Variants in PSMD1 observed in about 807,000 individuals in gnomAD.
The protein encoded by PSMD1 is proteasome 26S subunit, non-ATPase 1, also known as 26S proteasome non-ATPase regulatory subunit 1.
A neutral mutation model predicts 119.0 loss-of-function variants in PSMD1; 18 were observed. That is an observed-to-expected ratio of 0.15 (90% CI 0.10 to 0.22). The LOEUF is 0.22. Ranked by LOEUF, PSMD1 falls within the 10% of genes least tolerant of loss-of-function variation. The pLI, the probability that PSMD1 is intolerant of heterozygous loss-of-function variation, is 1.00. For missense variants in PSMD1, 702 were observed against 1,158.5 expected (o/e 0.61, Z 5.72); for synonymous variants, 374 against 396.6 (o/e 0.94, Z 0.68).
chr2:231,130,656 C>T (rs558805310), intron 16 of PSMD1, among the ~76,000 whole-genome samples: 6 of 152,198 alleles, frequency 3.9e-5, no homozygotes, highest in South Asian at 4.2e-4. Flanking sequence ...TGGGGTTTCG[C>T]GGGAATGCCA....
Position 231,098,094 on chromosome 2 carries a change from G to T in PSMD1, c.1883+10913G>T, listed in dbSNP as rs114609264. On this transcript the variant is annotated intron_variant, in intron 16 of 24. Coordinates refer to ENST00000308696, the MANE Select transcript of PSMD1 (RefSeq NM_002807.4). The stretch of plus-strand genomic sequence containing the variant: ...GATGGCCCTCGGGGGCTGACCCGCA[G>T]GGTGCCGGACTGCTTTCTTCTGCTA... 7.7e-3 allele frequency among the ~76,000 whole-genome samples: 1,167 copies of T among 152,348 alleles called. 4 individuals are homozygous for T. Among genetic ancestry groups the T allele is most frequent in the Non-Finnish European group, 0.013 (911 of 68,032 alleles).
At chr2:231,108,078 A>G (rs937326938) in intron 16 of PSMD1, among the ~76,000 whole-genome samples, 8 of 152,184 alleles carry the variant, frequency 5.3e-5, no homozygotes, top group African/African-American at 9.7e-5. Flanking sequence ...TGTTTTGTGC[A>G]CTTATTTTTA....
At chr2:231,064,671 TTGTC>T (rs1693853903) in intron 4 of PSMD1, among the ~76,000 whole-genome samples, 1 of 152,194 alleles carries the variant, frequency 6.6e-6, no homozygotes, top group Non-Finnish European at 1.5e-5. Context: ...GTTTTTTTGT[TTGTC>T]TGTTTGTTTT....
chr2:231,064,070 A>G (rs1693832391), intron 4 of PSMD1, among the ~76,000 whole-genome samples: 1 of 152,308 alleles, frequency 6.6e-6, no homozygotes, highest in Non-Finnish European at 1.5e-5. Context: ...GACTGTTGGT[A>G]TGAAGTGCTA....
intron 18 of PSMD1, 71 bp downstream of exon 18, chr2:231,146,427 A>G (rs1287256506): frequency 1.6e-6 from 2 of 1,225,814 alleles, no homozygotes; most frequent in African/African-American, 3.0e-5. Flanking sequence ...TCGTCTTTTG[A>G]GGACGTTTTT....
At chr2:231,115,940 T>C (rs1695316579) in intron 16 of PSMD1, among the ~76,000 whole-genome samples, 1 of 152,136 alleles carries the variant, frequency 6.6e-6, no homozygotes, top group Admixed American at 6.5e-5. Flanking sequence ...GAAGCAGTGC[T>C]TTGGAAGACT....
intron 19 of PSMD1, among the ~76,000 whole-genome samples, chr2:231,155,897 T>TAA (rs1696474083): frequency 6.6e-6 from 1 of 152,130 alleles, no homozygotes; most frequent in Admixed American, 6.5e-5. Flanking sequence ...GTTTCAATTC[T>TAA]AGATGGTATT....
chr2:231,064,467 A>G (rs982873242), intron 4 of PSMD1, among the ~76,000 whole-genome samples: 4 of 152,110 alleles, frequency 2.6e-5, no homozygotes, highest in East Asian at 3.8e-4. Context: ...TGGGACATAC[A>G]TTTTTCCCCT....
At chr2:231,151,679 T>A (rs1260092028) in intron 18 of PSMD1, among the ~76,000 whole-genome samples, 2 of 152,156 alleles carry the variant, frequency 1.3e-5, no homozygotes, top group Non-Finnish European at 2.9e-5. Flanking sequence ...TGTGAAATAC[T>A]TCTTAAGCCT....
At chr2:231,098,757 T>C (rs1411790585) in intron 16 of PSMD1, among the ~76,000 whole-genome samples, 1 of 152,112 alleles carries the variant, frequency 6.6e-6, no homozygotes, top group Non-Finnish European at 1.5e-5. Context: ...TCCTAAGAAT[T>C]GGTCAATTTG....
At chr2:231,098,741 C>G (rs1694791243) in intron 16 of PSMD1, among the ~76,000 whole-genome samples, 1 of 152,166 alleles carries the variant, frequency 6.6e-6, no homozygotes, top group South Asian at 2.1e-4. Context: ...AAGTATACAA[C>G]TGAGGTCCTA....
At chr2:231,120,902 T>C (rs1379522246) in intron 16 of PSMD1, among the ~76,000 whole-genome samples, 2 of 152,224 alleles carry the variant, frequency 1.3e-5, no homozygotes, top group South Asian at 2.1e-4. Context: ...TCAGAAGTTC[T>C]TATAAATGCA....
At chr2:231,162,599 G>C (rs111395541) in intron 20 of PSMD1, among the ~76,000 whole-genome samples, 1 of 152,148 alleles carries the variant, frequency 6.6e-6, no homozygotes, top group Non-Finnish European at 1.5e-5. Flanking sequence ...ATGGGATGGA[G>C]AAGATAAGGT....
intron 21 of PSMD1, among the ~76,000 whole-genome samples, chr2:231,164,606 G>A (rs1005191924): frequency 6.6e-6 from 1 of 151,980 alleles, no homozygotes; most frequent in South Asian, 2.1e-4. Context: ...TGTTTCATCA[G>A]CTATGTTTCA....
In PSMD1 at chr2:231,161,561, T is replaced by C. The variant is rs145208245; in HGVS notation, c.2388+52T>C. 4.2e-3 allele frequency: 6,344 copies of C among 1,513,316 alleles called. 19 individuals carry two copies. The highest frequency in any genetic ancestry group is 5.0e-3 in the Non-Finnish European group (5,509 of 1,111,814). The allele number at this position is 1,513,316 out of a possible 1,614,324, so 93.7% of individuals were successfully genotyped here. ...AGTATTTCCTGTTCACCGTATCTTA[T>C]TCATATTTACCGCCCACTTGCAAGG... On this transcript the variant is annotated intron_variant, in intron 20 of 24. Coordinates refer to ENST00000308696, the MANE Select transcript of PSMD1 (RefSeq NM_002807.4).
chr2:231,172,178 C>G (rs1559258358), intron 24 of PSMD1, among the ~76,000 whole-genome samples: 2 of 152,206 alleles, frequency 1.3e-5, no homozygotes, highest in Non-Finnish European at 2.9e-5. Context: ...CGTAGGCTAT[C>G]ATGATCACTC....
intron 15 of PSMD1, among the ~76,000 whole-genome samples, chr2:231,085,346 A>C (rs1694406554): frequency 6.6e-6 from 1 of 152,240 alleles, no homozygotes; most frequent in Non-Finnish European, 1.5e-5. Context: ...CCTTAAAGCC[A>C]TTCAGGTGCA....
chr2:231,079,282 A>G (rs1330725700), intron 10 of PSMD1, among the ~76,000 whole-genome samples: 1 of 152,168 alleles, frequency 6.6e-6, no homozygotes, highest in African/African-American at 2.4e-5. Context: ...CTCTTGAAGG[A>G]AATATATTAA....
At chr2:231,146,815 A>G (rs1696262866) in intron 18 of PSMD1, among the ~76,000 whole-genome samples, 1 of 152,236 alleles carries the variant, frequency 6.6e-6, no homozygotes, top group Admixed American at 6.5e-5. Context: ...AAATGAGTAC[A>G]TCCACATTCT....
Sources: gnomAD v4.1 joint callset for allele counts (sites outside exome capture counted in the v4.1 genomes callset) on GRCh38, gnomAD v4.1.1 for gene constraint, MANE v1.5 for transcripts, NCBI Gene and HGNC (gene_info 2026-07-23, HGNC 2026-07-21) for gene names.